The following RORB variants were observed in gnomAD, a reference collection of about 807,000 sequenced individuals.
RORB encodes nuclear receptor ROR-beta.
RORB carries 6 observed loss-of-function variants against 59.1 expected under a neutral mutation model. That is an observed-to-expected ratio of 0.10 (90% CI 0.06 to 0.20). RORB has a LOEUF of 0.20. RORB is among the 10% of genes least tolerant of loss of function. The pLI, the probability that RORB is intolerant of heterozygous loss-of-function variation, is 1.00. For missense variants in RORB, 320 were observed against 560.5 expected (o/e 0.57, Z 4.33); for synonymous variants, 215 against 204.5 (o/e 1.05, Z -0.44).
chr9:74,571,169 A>G (rs1294021958), intron 1 of RORB, among the ~76,000 whole-genome samples: 1 of 152,072 alleles, frequency 6.6e-6, no homozygotes, highest in East Asian at 1.9e-4. Context: ...TTTCCTAAAA[A>G]TTGGTTAAAT....
At chr9:74,584,820 G>A (rs1822774550) in intron 1 of RORB, among the ~76,000 whole-genome samples, 1 of 152,240 alleles carries the variant, frequency 6.6e-6, no homozygotes, top group African/African-American at 2.4e-5. Context: ...AGGAGCCACA[G>A]AATGAGTCTG....
chr9:74,506,558 T>C (rs1825873738), intron 1 of RORB, among the ~76,000 whole-genome samples: 1 of 152,112 alleles, frequency 6.6e-6, no homozygotes, highest in African/African-American at 2.4e-5. Flanking sequence ...TTAGTTAACA[T>C]GGGTCCTCAT....
intron 9 of RORB, among the ~76,000 whole-genome samples, chr9:74,679,086 A>C (rs1243552738): frequency 5.3e-5 from 8 of 151,828 alleles, no homozygotes; most frequent in Admixed American, 3.9e-4. Flanking sequence ...AACCAACCAA[A>C]CAAACAAAAA....
intron 1 of RORB, among the ~76,000 whole-genome samples, chr9:74,601,369 A>AATTATATATATAT (rs1222413792): frequency 3.4e-5 from 4 of 118,062 alleles, no homozygotes; most frequent in Non-Finnish European, 5.5e-5. Context: ...AGAATATGTG[A>AATTATATATATAT]ATTATATATA....
At chr9:74,553,823 A>G (rs920034279) in intron 1 of RORB, among the ~76,000 whole-genome samples, 6 of 152,300 alleles carry the variant, frequency 3.9e-5, no homozygotes, top group African/African-American at 1.4e-4. Context: ...AGGCTGAGCT[A>G]TGGAGCCAGT....
chr9:74,545,823 G>T (rs894878378), intron 1 of RORB, among the ~76,000 whole-genome samples: 4 of 151,766 alleles, frequency 2.6e-5, no homozygotes, highest in African/African-American at 9.7e-5. Flanking sequence ...TTTTTCAGGG[G>T]ACATATATCT....
chr9:74,526,037 G>A (rs1826152161), intron 1 of RORB, among the ~76,000 whole-genome samples: 1 of 151,850 alleles, frequency 6.6e-6, no homozygotes, highest in Non-Finnish European at 1.5e-5. Flanking sequence ...TTCACACACG[G>A]TCTCTTTCAC....
chr9:74,618,450 AG>A (rs1489723292), intron 1 of RORB, among the ~76,000 whole-genome samples: 1 of 152,142 alleles, frequency 6.6e-6, no homozygotes, highest in Non-Finnish European at 1.5e-5. Context: ...TTATTTTACC[AG>A]GTTTCTTTTT....
chr9:74,638,400 G>A (rs1823739887), intron 3 of RORB, among the ~76,000 whole-genome samples: 1 of 152,098 alleles, frequency 6.6e-6, no homozygotes, highest in Admixed American at 6.6e-5. Context: ...TCAAAATGAG[G>A]GTTAAGAGCA....
In RORB at chr9:74,653,082, C is replaced by G. The variant is rs1376427916; in HGVS notation, c.638-7535C>G. ...TCAGTGACAAACCACTAGACTTGTT[C>G]TGTCTAATGACAGAAAACAAAACTG... is the stretch of plus-strand genomic sequence containing the variant. On this transcript the variant is annotated intron_variant, in intron 4 of 9. Coordinates refer to ENST00000376896, the MANE Select transcript of RORB (RefSeq NM_006914.4). Among the ~76,000 whole-genome samples the G allele has an allele frequency of 7.8e-4, 118 of 152,192 alleles. 1 individual carries two copies. Among genetic ancestry groups the G allele is most frequent in the Admixed American group, 7.5e-3 (115 of 15,280 alleles).
chr9:74,635,819 T>G (rs565753382), intron 3 of RORB, among the ~76,000 whole-genome samples: 17 of 152,090 alleles, frequency 1.1e-4, no homozygotes, highest in Non-Finnish European at 2.1e-4. Context: ...ACTTCCAAAT[T>G]TTAAAGAAAT....
chr9:74,510,424 G>A (rs1825921205), intron 1 of RORB, among the ~76,000 whole-genome samples: 1 of 152,088 alleles, frequency 6.6e-6, no homozygotes, highest in Admixed American at 6.6e-5. Flanking sequence ...AGTCTGTTCT[G>A]CAGCTGCTCT....
intron 1 of RORB, among the ~76,000 whole-genome samples, chr9:74,576,727 CT>C (rs1325534031): frequency 6.6e-6 from 1 of 151,978 alleles, no homozygotes; most frequent in Non-Finnish European, 1.5e-5. Flanking sequence ...TTTTGAAAGC[CT>C]TTTTTAGTTT....
At chr9:74,517,405 C>T (rs1488327325) in intron 1 of RORB, among the ~76,000 whole-genome samples, 1 of 151,966 alleles carries the variant, frequency 6.6e-6, no homozygotes, top group East Asian at 1.9e-4. Flanking sequence ...TAAATACAAG[C>T]CAAGTCAGTT....
rs1273227119 is a variant in RORB at position 74,660,605 on chromosome 9, C to A, written c.638-12C>A. On this transcript the variant is annotated splice_polypyrimidine_tract_variant and intron_variant, in intron 4 of 9. Transcript: ENST00000376896. ...TATTCACAAACCTTTGAATTGATAT[C>A]TTTTCTCACAGACCGAATTGCACAG... 3.2e-5 allele frequency: 51 copies of A among 1,602,372 alleles called. No individual in the cohort carries two copies. Among genetic ancestry groups the A allele is most frequent in the Non-Finnish European group, 4.3e-5 (51 of 1,175,874 alleles).
chr9:74,678,317 C>T (rs1167947696), intron 9 of RORB, among the ~76,000 whole-genome samples: 2 of 152,150 alleles, frequency 1.3e-5, no homozygotes, highest in Non-Finnish European at 2.9e-5. Context: ...GCTCAGACCT[C>T]TGCAACTTCC....
chr9:74,666,295 A>AAAAT (rs1824263388), intron 7 of RORB, among the ~76,000 whole-genome samples: 1 of 151,904 alleles, frequency 6.6e-6, no homozygotes, highest in African/African-American at 2.4e-5. Context: ...TCAAATAAAT[A>AAAAT]AAATAAATAA....
intron 1 of RORB, among the ~76,000 whole-genome samples, chr9:74,595,826 G>T (rs1429919826): frequency 1.3e-5 from 2 of 152,212 alleles, no homozygotes; most frequent in African/African-American, 4.8e-5. Context: ...AGTTTTTTGG[G>T]GTCACGTTTA....
intron 1 of RORB, among the ~76,000 whole-genome samples, chr9:74,532,793 T>TAC (rs1563930119): frequency 6.9e-6 from 1 of 144,670 alleles, no homozygotes. Flanking sequence ...TATATATATA[T>TAC]ACATAGATAC....
Sources: allele counts gnomAD v4.1 joint callset (sites outside exome capture counted in the v4.1 genomes callset), GRCh38; gene constraint gnomAD v4.1.1; transcripts MANE v1.5; gene names NCBI Gene and HGNC (gene_info 2026-07-23, HGNC 2026-07-21).